Variants in KANK1 observed in about 807,000 individuals in gnomAD.
KANK1 encodes the protein KN motif and ankyrin repeat domains 1, also known as KN motif and ankyrin repeat domain-containing protein 1.
In KANK1, 109 loss-of-function variants were observed where a neutral mutation model predicts 106.2. The ratio of observed to expected loss-of-function variants is 1.03; its 90% CI spans 0.88 to 1.20. KANK1 has a LOEUF of 1.20. Among genes scored for constraint, KANK1 ranks in the 50% most tolerant of loss-of-function variants. KANK1 has a pLI of 0.00. For synonymous variants in KANK1, 873 were observed against 652.2 expected, an observed-to-expected ratio of 1.34 and a Z score of -5.16; for missense variants, 2,399 against 1,710.7, an observed-to-expected ratio of 1.40 and a Z score of -7.10.
At chr9:504,542 C>G (rs1247457147), upstream of KANK1, among the ~76,000 whole-genome samples, 1 of 151,550 alleles carries the variant, frequency 6.6e-6, no homozygotes, top group East Asian at 2.0e-4. Flanking sequence ...ACGCGCCGCT[C>G]CGGGGCGCAG....
At chr9:735,204 T>G (rs1404270671) in intron 7 of KANK1, among the ~76,000 whole-genome samples, 1 of 152,224 alleles carries the variant, frequency 6.6e-6, no homozygotes, top group Non-Finnish European at 1.5e-5. Flanking sequence ...AATTTTTTTT[T>G]TAAGTTAGCA....
intron 2 of KANK1, among the ~76,000 whole-genome samples, chr9:682,805 A>T (rs897942358): frequency 6.6e-6 from 1 of 152,084 alleles, no homozygotes; most frequent in African/African-American, 2.4e-5. Flanking sequence ...TTTTGTCTCT[A>T]TGCTGATCTT....
In KANK1 at chr9:533,767, T is replaced by A. The variant is rs1236458859; in HGVS notation, c.-84+29013T>A. On this transcript the variant is annotated intron_variant, in intron 1 of 11. Transcript: ENST00000382297. ...CAAAGGTCATGGGAGCTTTGAACAGTTTCTATGCATTATGTGTTGTTTTTC... is the reference window on the plus strand; with the variant it reads ...CAAAGGTCATGGGAGCTTTGAACAGATTCTATGCATTATGTGTTGTTTTTC... Among the ~76,000 whole-genome samples the A allele has an allele frequency of 2.6e-5, 4 of 152,186 alleles. No homozygotes were observed. The East Asian group carries it at 7.7e-4, about 29-fold the overall frequency.
At chr9:572,835 T>G (rs1238655348) in intron 1 of KANK1, among the ~76,000 whole-genome samples, 1 of 152,184 alleles carries the variant, frequency 6.6e-6, no homozygotes, top group East Asian at 1.9e-4. Context: ...ATTTCCATCT[T>G]TATATTAAAA....
At chr9:511,398 C>A (rs904646068) in intron 1 of KANK1, among the ~76,000 whole-genome samples, 4 of 152,082 alleles carry the variant, frequency 2.6e-5, no homozygotes, top group African/African-American at 9.7e-5. Flanking sequence ...AGGTGTAGGC[C>A]CAGGCTGGCT....
chr9:692,458 A>C (rs142427048), intron 2 of KANK1, among the ~76,000 whole-genome samples: 135 of 152,134 alleles, frequency 8.9e-4, no homozygotes, highest in Non-Finnish European at 1.6e-3. Flanking sequence ...ATATTACTTT[A>C]CACAACAAGA....
chr9:471,737 A>G (rs1009922851), intron 2 of KANK1, among the ~76,000 whole-genome samples: 1 of 152,166 alleles, frequency 6.6e-6, no homozygotes, highest in Non-Finnish European at 1.5e-5. Context: ...CCATCTCTGT[A>G]AAAGAAATTA....
At chr9:601,486 T>A (rs113089837) in intron 1 of KANK1, among the ~76,000 whole-genome samples, 172 of 151,974 alleles carry the variant, frequency 1.1e-3, no homozygotes, top group African/African-American at 4.0e-3. Context: ...GTCTGATGTT[T>A]CCTAGTGTTT....
chr9:657,036 C>T (rs1842297612), intron 1 of KANK1, among the ~76,000 whole-genome samples: 2 of 151,334 alleles, frequency 1.3e-5, no homozygotes, highest in Admixed American at 1.3e-4. Flanking sequence ...TCAAACAACT[C>T]TGTTTCCCCC....
At chr9:743,977 A>G (rs1836454490) in intron 10 of KANK1, among the ~76,000 whole-genome samples, 1 of 152,134 alleles carries the variant, frequency 6.6e-6, no homozygotes, top group Non-Finnish European at 1.5e-5. Context: ...TTTCACCCAT[A>G]TGTAGTGTTT....
rs184568828 is a variant in KANK1 at position 745,799 on chromosome 9, C to G, written c.*564C>G. The G allele has an allele frequency of 6.6e-6, 1 of 152,638 alleles. No homozygotes were observed. The highest frequency in any genetic ancestry group is 1.5e-5 in the Non-Finnish European group (1 of 68,054). 9.5% of individuals were successfully genotyped at this position (152,638 alleles called of 1,614,324 possible). ...TTAACTAGGTAGATGTAATATATGA[C>G]TTTTTATAAAAAGGGTATCTATATG... On this transcript the variant is annotated 3_prime_UTR_variant, in exon 12 of 12. Transcript: ENST00000382297.
At chr9:714,181 G>A (rs761120418) in intron 3 of KANK1, among the ~76,000 whole-genome samples, 3 of 152,024 alleles carry the variant, frequency 2.0e-5, no homozygotes, top group Middle Eastern at 3.2e-3. Flanking sequence ...CTGTCCCTGC[G>A]GTGCTTACAT....
At chr9:529,435 G>A (rs536060080) in intron 1 of KANK1, among the ~76,000 whole-genome samples, 92 of 151,272 alleles carry the variant, frequency 6.1e-4, no homozygotes, top group African/African-American at 2.0e-3. Context: ...TCTCGACCTC[G>A]TGATCCACTT....
chr9:504,073 G>T, upstream of KANK1, among the ~76,000 whole-genome samples: 1 of 152,142 alleles, frequency 6.6e-6, no homozygotes, highest in African/African-American at 2.4e-5. Context: ...GCACCTGCAG[G>T]AAACAGAGCT....
At position 676,912 on chromosome 9, in the gene KANK1, A is replaced by T; in HGVS notation, c.-61A>T. 2 of 1,360,042 alleles carry T rather than the reference A, an allele frequency of 1.5e-6. No homozygotes were observed. The highest frequency in any genetic ancestry group is 2.4e-5 in the South Asian group (2 of 82,494). 84.2% of individuals were successfully genotyped at this position (1,360,042 alleles called of 1,614,324 possible). On this transcript the variant is annotated 5_prime_UTR_variant, in exon 2 of 12. It removes an upstream start codon present in the reference 5' UTR. Coordinates refer to ENST00000382297, the MANE Select transcript of KANK1 (RefSeq NM_015158.5). ...CAGGTTGAATGCCTTTGAGAACTTGATGCATAAAATTTGCATGACTCCTCA... is the reference window on the plus strand; with the variant it reads ...CAGGTTGAATGCCTTTGAGAACTTGTTGCATAAAATTTGCATGACTCCTCA...
intron 1 of KANK1, among the ~76,000 whole-genome samples, chr9:571,952 A>C (rs554868157): frequency 1.3e-5 from 2 of 152,284 alleles, no homozygotes; most frequent in East Asian, 3.9e-4. Flanking sequence ...TTCCCAGGTT[A>C]CTTGTGGGTG....
Position 477,221 on chromosome 9 carries a change from G to A in KANK1, c.-362+3948G>A, listed in dbSNP as rs1033846874. Among the ~76,000 whole-genome samples, 5 of 151,186 alleles carry A rather than the reference G, an allele frequency of 3.3e-5. No homozygotes were observed. The East Asian group carries it at 9.7e-4, about 29-fold the overall frequency. ...GATGTATTTTTCTCTTTTATATTTT[G>A]TGAATGACTTTTCCCCTGGTTAGCC... is the stretch of plus-strand genomic sequence containing the variant. On this transcript the variant is annotated intron_variant, in intron 3 of 15. Transcript: ENST00000382303.
chr9:662,753 C>T (rs1843633037), intron 1 of KANK1, among the ~76,000 whole-genome samples: 1 of 151,248 alleles, frequency 6.6e-6, no homozygotes, highest in Non-Finnish European at 1.5e-5. Context: ...TCTCCACCTC[C>T]TGGGTTGAAG....
chr9:471,330 A>G (rs2058016614), intron 2 of KANK1: 2 of 152,542 alleles, frequency 1.3e-5, no homozygotes, highest in Admixed American at 1.3e-4. Context: ...GACAGGGGTA[A>G]GGACACTAGA....
Sources: allele counts gnomAD v4.1 joint callset (sites outside exome capture counted in the v4.1 genomes callset), GRCh38; gene constraint gnomAD v4.1.1; transcripts MANE v1.5; gene names NCBI Gene and HGNC (gene_info 2026-07-23, HGNC 2026-07-21).